ZFAND4: variants seen among roughly 807,000 people sequenced by gnomAD.
The protein encoded by ZFAND4 is zinc finger AN1-type containing 4, also known as AN1-type zinc finger protein 4.
A neutral mutation model predicts 64.4 loss-of-function variants in ZFAND4; 43 were observed. The ratio of observed to expected loss-of-function variants is 0.67; its 90% CI spans 0.52 to 0.86. The LOEUF is 0.86. ZFAND4 is among the 40% of genes least tolerant of loss of function. The pLI is 0.00. For missense variants in ZFAND4, 929 were observed against 859.8 expected, an observed-to-expected ratio of 1.08 and a Z score of -1.01; for synonymous variants, 296 against 305.7, an observed-to-expected ratio of 0.97 and a Z score of 0.33.
intron 1 of ZFAND4, among the ~76,000 whole-genome samples, chr10:45,670,248 C>T (rs1373581952): frequency 5.6e-5 from 8 of 143,228 alleles, no homozygotes; most frequent in African/African-American, 2.1e-4. Flanking sequence ...TTTTTTGAGA[C>T]GGAGTTTCAC....
chr10:45,634,264 C>T (rs1376200168), intron 6 of ZFAND4, among the ~76,000 whole-genome samples: 2 of 152,158 alleles, frequency 1.3e-5, no homozygotes, highest in African/African-American at 4.8e-5. Context: ...GTGGCTCATG[C>T]CTGTAATCCC....
chr10:45,648,206 G>A, intron 5 of ZFAND4, 88 bp downstream of exon 5: 1 of 1,303,832 alleles, frequency 7.7e-7, no homozygotes. Flanking sequence ...TATATATTGG[G>A]GGCTGGGGCA....
chr10:45,622,083 A>G (rs1184317295), intron 8 of ZFAND4, among the ~76,000 whole-genome samples: 1 of 152,218 alleles, frequency 6.6e-6, no homozygotes, highest in Middle Eastern at 3.2e-3. Flanking sequence ...GTGTCAACGA[A>G]AAACAACAAC....
At chr10:45,651,306 C>T in intron 4 of ZFAND4, 1 of 218,434 alleles carries the variant, frequency 4.6e-6, no homozygotes, top group Non-Finnish European at 9.5e-6. Context: ...TTTTCGAGGG[C>T]CCTTCCTACC....
chr10:45,648,637 GCATAT>G, intron 4 of ZFAND4, 103 bp from the exon 5 acceptor site: 1 of 1,235,762 alleles, frequency 8.1e-7, no homozygotes, highest in Non-Finnish European at 1.1e-6. Context: ...ACAGTCCTGT[GCATAT>G]AATATAAACA....
At chr10:45,639,039 G>A (rs975406398) in intron 6 of ZFAND4, among the ~76,000 whole-genome samples, 2 of 152,060 alleles carry the variant, frequency 1.3e-5, no homozygotes, top group African/African-American at 4.8e-5. Flanking sequence ...GTATATAAAT[G>A]TAAAAATTCG....
intron 6 of ZFAND4, among the ~76,000 whole-genome samples, chr10:45,636,086 C>A (rs1236735052): frequency 6.6e-6 from 1 of 152,052 alleles, no homozygotes; most frequent in Non-Finnish European, 1.5e-5. Context: ...ATGAAAAATA[C>A]ATCACAACCA....
chr10:45,655,603 C>CA (rs1215621997), intron 2 of ZFAND4, among the ~76,000 whole-genome samples: 1 of 152,122 alleles, frequency 6.6e-6, no homozygotes, highest in Non-Finnish European at 1.5e-5. Flanking sequence ...ACAAAATCCA[C>CA]AGGCCATTAG....
chr10:45,650,129 CAG>C (rs575875881), intron 4 of ZFAND4: 3 of 151,992 alleles, frequency 2.0e-5, no homozygotes, highest in South Asian at 4.2e-4. Context: ...TTTTTTGAGA[CAG>C]AGTCTCACTC....
At chr10:45,625,599 G>A (rs893044044) in intron 7 of ZFAND4, among the ~76,000 whole-genome samples, 4 of 150,230 alleles carry the variant, frequency 2.7e-5, no homozygotes, top group Admixed American at 6.7e-5. Flanking sequence ...TTTTTAATAC[G>A]TATTTGAAAA....
intron 4 of ZFAND4, chr10:45,651,358 G>A (rs1396603987): frequency 1.0e-5 from 3 of 294,758 alleles, no homozygotes; most frequent in African/African-American, 2.2e-5. Flanking sequence ...GAGTTACATC[G>A]ACTCTTTACA....
In ZFAND4 at chr10:45,664,950, T is replaced by G. The variant is rs544845889; in HGVS notation, c.-117-1108A>C. On this transcript the variant is annotated intron_variant, in intron 1 of 9. Coordinates refer to ENST00000344646, the MANE Select transcript of ZFAND4 (RefSeq NM_174890.4). ...TGGTCTCAAAAACAAAAAAAAGTAG[T>G]ACTCACTAAATCATCAACGGTTTCC... Among the ~76,000 whole-genome samples the G allele has an allele frequency of 2.0e-5, 3 of 151,992 alleles. No individual in the cohort carries two copies. In the South Asian group the frequency reaches 6.2e-4, roughly 32 times the overall value.
chr10:45,644,205 G>A (rs1057109282), intron 5 of ZFAND4, among the ~76,000 whole-genome samples: 1 of 152,060 alleles, frequency 6.6e-6, no homozygotes, highest in Non-Finnish European at 1.5e-5. Flanking sequence ...TATTACTAGG[G>A]TATACCCAAC....
At chr10:45,665,454 C>T (rs959548830) in intron 1 of ZFAND4, among the ~76,000 whole-genome samples, 18 of 151,938 alleles carry the variant, frequency 1.2e-4, no homozygotes, top group African/African-American at 3.4e-4. Context: ...GGCAGGAGAA[C>T]CGCTTGAGTC....
chr10:45,641,767 C>G (rs1287030457), intron 5 of ZFAND4, among the ~76,000 whole-genome samples: 2 of 152,188 alleles, frequency 1.3e-5, no homozygotes, highest in Non-Finnish European at 2.9e-5. Context: ...ACACATTATT[C>G]CTAATTCTCA....
chr10:45,648,569 G>C, intron 4 of ZFAND4, 35 bp from the exon 5 acceptor site: 1 of 1,568,858 alleles, frequency 6.4e-7, no homozygotes, highest in Middle Eastern at 1.7e-4. Context: ...TCTTCAATTT[G>C]GATCAAGTTT....
intron 2 of ZFAND4, among the ~76,000 whole-genome samples, chr10:45,663,115 TA>T (rs544625363): frequency 0.067 from 8,714 of 129,952 alleles, 334 homozygotes; most frequent in African/African-American, 0.13. Flanking sequence ...ACCTCCACAT[TA>T]AAAAAAAAAA....
chr10:45,666,672 A>G (rs1353523400), intron 1 of ZFAND4, among the ~76,000 whole-genome samples: 1 of 152,218 alleles, frequency 6.6e-6, no homozygotes, highest in Non-Finnish European at 1.5e-5. Context: ...GTACTGTCCA[A>G]TTTCAATTTA....
chr10:45,619,209 T>A (rs2045234385), intron 8 of ZFAND4, among the ~76,000 whole-genome samples: 1 of 152,032 alleles, frequency 6.6e-6, no homozygotes, highest in African/African-American at 2.4e-5. Flanking sequence ...CAGCTTTTTT[T>A]TTTGTATTTT....
Sources: allele counts gnomAD v4.1 joint callset (sites outside exome capture counted in the v4.1 genomes callset), GRCh38; gene constraint gnomAD v4.1.1; transcripts MANE v1.5; gene names NCBI Gene and HGNC (gene_info 2026-07-23, HGNC 2026-07-21).